TAFA1: variants seen among roughly 807,000 people sequenced by gnomAD.
TAFA1 encodes the protein TAFA chemokine like family member 1.
TAFA1 carries 4 observed loss-of-function variants against 18.5 expected under a neutral mutation model. The observed-to-expected ratio is 0.22, with a 90% CI of 0.11 to 0.49. The LOEUF (loss-of-function observed/expected upper bound fraction) is 0.49. Ranked by LOEUF, TAFA1 falls within the 20% of genes least tolerant of loss-of-function variation. The probability of loss-of-function intolerance (pLI) is 0.98; values close to 1 mark genes in which losing one functional copy is unlikely to be tolerated. For synonymous variants in TAFA1, 56 were observed against 55.2 expected (o/e 1.01, Z -0.06); for missense variants, 147 against 169.0 (o/e 0.87, Z 0.72).
chr3:68,526,838 A>T (rs944623439), intron 3 of TAFA1, among the ~76,000 whole-genome samples: 13 of 152,154 alleles, frequency 8.5e-5, no homozygotes, highest in African/African-American at 3.1e-4. Context: ...GTTAGAAAAG[A>T]ATATGTATTA....
Position 68,105,810 on chromosome 3 carries a change from T to G in TAFA1, c.118+99066T>G, listed in dbSNP as rs186723861. ...CTACCTTGATTAGATTATTCAATAA[T>G]TTCTTTGCAAGAGATTTCAGCTGCC... On this transcript the variant is annotated intron_variant, in intron 2 of 4. Transcript: ENST00000478136. Among the ~76,000 whole-genome samples, 3 of 152,282 alleles carry G rather than the reference T, an allele frequency of 2.0e-5. No individual in the cohort carries two copies. In the East Asian group the frequency reaches 5.8e-4, roughly 29 times the overall value.
intron 2 of TAFA1, among the ~76,000 whole-genome samples, chr3:68,333,546 A>T (rs1482670439): frequency 1.3e-5 from 2 of 152,180 alleles, no homozygotes; most frequent in Admixed American, 1.3e-4. Flanking sequence ...GTGATGAAAT[A>T]ATCTGTACAC....
At chr3:68,361,625 C>G (rs562605856) in intron 2 of TAFA1, among the ~76,000 whole-genome samples, 3 of 146,236 alleles carry the variant, frequency 2.1e-5, no homozygotes, top group African/African-American at 7.6e-5. Context: ...TATTTTGTAT[C>G]ACTAAAAAAA....
intron 2 of TAFA1, among the ~76,000 whole-genome samples, chr3:68,345,900 G>A (rs1165929914): frequency 6.6e-6 from 1 of 152,132 alleles, no homozygotes; most frequent in Admixed American, 6.6e-5. Flanking sequence ...TAGAGATAAA[G>A]ATAGAAAAGA....
intron 2 of TAFA1, among the ~76,000 whole-genome samples, chr3:68,154,755 T>G (rs1477588365): frequency 6.6e-6 from 1 of 152,142 alleles, no homozygotes; most frequent in Non-Finnish European, 1.5e-5. Context: ...CTTGAACTTT[T>G]GTCATTTTCT....
chr3:68,280,815 T>A (rs1255322205), intron 2 of TAFA1, among the ~76,000 whole-genome samples: 1 of 152,134 alleles, frequency 6.6e-6, no homozygotes, highest in East Asian at 1.9e-4. Context: ...AAAACTGCAT[T>A]TACTCTCAGG....
intron 2 of TAFA1, among the ~76,000 whole-genome samples, chr3:68,091,985 C>T (rs1448993841): frequency 6.6e-6 from 1 of 152,126 alleles, no homozygotes; most frequent in Non-Finnish European, 1.5e-5. Context: ...TACCCAGTCA[C>T]AGAATTATCC....
chr3:68,342,477 A>T (rs890234491), intron 2 of TAFA1, among the ~76,000 whole-genome samples: 4 of 152,220 alleles, frequency 2.6e-5, no homozygotes, highest in African/African-American at 9.6e-5. Flanking sequence ...CCATTCAAAT[A>T]CGTCTTTCTC....
chr3:68,325,096 T>C (rs1050193706), intron 2 of TAFA1, among the ~76,000 whole-genome samples: 1 of 152,152 alleles, frequency 6.6e-6, no homozygotes, highest in Non-Finnish European at 1.5e-5. Context: ...CTCTCTCTCT[T>C]CAATTTATTC....
intron 2 of TAFA1, among the ~76,000 whole-genome samples, chr3:68,326,259 TTGACA>T (rs1454364749): frequency 6.6e-6 from 1 of 152,222 alleles, no homozygotes; most frequent in Non-Finnish European, 1.5e-5. Flanking sequence ...AAACCAACTT[TTGACA>T]TGTTCCTTGT....
intron 2 of TAFA1, among the ~76,000 whole-genome samples, chr3:68,363,032 G>A (rs1264161609): frequency 9.1e-6 from 1 of 110,274 alleles, no homozygotes; most frequent in Non-Finnish European, 1.7e-5. Context: ...CTTTAAAATT[G>A]GTTGAATAAA....
At chr3:68,193,893 A>G (rs369521671) in intron 2 of TAFA1, among the ~76,000 whole-genome samples, 1 of 151,730 alleles carries the variant, frequency 6.6e-6, no homozygotes, top group Non-Finnish European at 1.5e-5. Flanking sequence ...GTGGGTTTGC[A>G]GTTCAGTTGT....
intron 2 of TAFA1, among the ~76,000 whole-genome samples, chr3:68,149,371 C>T (rs1352802466): frequency 3.3e-5 from 5 of 152,150 alleles, no homozygotes; most frequent in African/African-American, 4.8e-5. Context: ...TGTTGCTATA[C>T]AGGAATACCT....
At chr3:68,392,117 C>A (rs1346106415) in intron 2 of TAFA1, among the ~76,000 whole-genome samples, 1 of 145,662 alleles carries the variant, frequency 6.9e-6, no homozygotes, top group Non-Finnish European at 1.5e-5. Context: ...GGAGTCCGAT[C>A]TCATGTGCAA....
chr3:68,126,422 G>A (rs949576295), intron 2 of TAFA1, among the ~76,000 whole-genome samples: 2 of 152,210 alleles, frequency 1.3e-5, no homozygotes, highest in African/African-American at 4.8e-5. Flanking sequence ...CTTCCTTGGA[G>A]GGCTCTTATA....
intron 2 of TAFA1, among the ~76,000 whole-genome samples, chr3:68,264,738 A>AGATAATTTC (rs2067509781): frequency 3.3e-5 from 5 of 151,878 alleles, no homozygotes; most frequent in African/African-American, 1.2e-4. Flanking sequence ...TTTATATTCT[A>AGATAATTTC]TATAATTTCT....
chr3:68,404,647 A>G (rs2070562857), intron 2 of TAFA1, among the ~76,000 whole-genome samples: 2 of 152,144 alleles, frequency 1.3e-5, no homozygotes. Flanking sequence ...AAACAGAAAA[A>G]TTAGCCAGGC....
At chr3:68,432,867 G>T (rs754249146) in intron 3 of TAFA1, among the ~76,000 whole-genome samples, 7 of 151,938 alleles carry the variant, frequency 4.6e-5, no homozygotes, top group African/African-American at 7.2e-5. Context: ...GGTACAGGTT[G>T]ACTTACCCCT....
At position 68,142,400 on chromosome 3, in the gene TAFA1, G is replaced by C. The variant is rs139906795; in HGVS notation, c.118+135656G>C. ...GGAACCTGTAACCTTCTGCATTAAA[G>C]GACGCCTTTCATCCAAACCCCCTGT... On this transcript the variant is annotated intron_variant, in intron 2 of 4. Transcript: ENST00000478136. 2.0e-3 allele frequency among the ~76,000 whole-genome samples: 300 copies of C among 152,306 alleles called. 3 individuals carry two copies. The highest frequency in any genetic ancestry group is 4.3e-4 in the Non-Finnish European group (29 of 68,024).
Sources: allele counts gnomAD v4.1 joint callset (sites outside exome capture counted in the v4.1 genomes callset), GRCh38; gene constraint gnomAD v4.1.1; transcripts MANE v1.5; gene names NCBI Gene and HGNC (gene_info 2026-07-23, HGNC 2026-07-21).